Variants in CAMK2D observed in about 807,000 individuals in gnomAD.
The protein encoded by CAMK2D is calcium/calmodulin-dependent protein kinase type II subunit delta.
In CAMK2D, 37 loss-of-function variants were observed where a neutral mutation model predicts 84.0. That is an observed-to-expected ratio of 0.44 (90% CI 0.34 to 0.58). The LOEUF is 0.58. Ranked by LOEUF, CAMK2D falls within the 20% of genes least tolerant of loss-of-function variation. The pLI, the probability that CAMK2D is intolerant of heterozygous loss-of-function variation, is 0.02. For missense variants in CAMK2D, 448 were observed against 652.5 expected, an observed-to-expected ratio of 0.69 and a Z score of 3.41; for synonymous variants, 202 against 212.5, an observed-to-expected ratio of 0.95 and a Z score of 0.43.
intron 3 of CAMK2D, among the ~76,000 whole-genome samples, chr4:113,615,629 A>C (rs1031174733): frequency 4.6e-5 from 7 of 152,166 alleles, no homozygotes; most frequent in African/African-American, 1.7e-4. Context: ...TCATTTTCCC[A>C]GTATAAAATA....
chr4:113,510,892 G>T (rs928838587), intron 12 of CAMK2D, among the ~76,000 whole-genome samples: 1 of 152,036 alleles, frequency 6.6e-6, no homozygotes, highest in Non-Finnish European at 1.5e-5. Flanking sequence ...TATTAATTGA[G>T]ATTGTAAGAA....
chr4:113,632,879 A>G (rs981611470), intron 3 of CAMK2D, among the ~76,000 whole-genome samples: 2 of 152,196 alleles, frequency 1.3e-5, no homozygotes, highest in Non-Finnish European at 1.5e-5. Context: ...ACTAAAAAGC[A>G]TCATAAAATA....
At chr4:113,618,438 C>T (rs2099030780) in intron 3 of CAMK2D, among the ~76,000 whole-genome samples, 1 of 152,278 alleles carries the variant, frequency 6.6e-6, no homozygotes, top group Admixed American at 6.5e-5. Context: ...ACACTTGCAA[C>T]TGTATTTTCC....
chr4:113,647,361 G>T (rs1354318974), intron 3 of CAMK2D, among the ~76,000 whole-genome samples: 1 of 152,142 alleles, frequency 6.6e-6, no homozygotes. Context: ...TAATAGATTT[G>T]TCCTTTACTT....
intron 16 of CAMK2D, among the ~76,000 whole-genome samples, chr4:113,472,800 C>T (rs2097562071): frequency 6.6e-6 from 1 of 152,180 alleles, no homozygotes; most frequent in African/African-American, 2.4e-5. Flanking sequence ...TGTTATATAG[C>T]AACAATTTTT....
At chr4:113,678,857 T>C (rs1034056650) in intron 2 of CAMK2D, among the ~76,000 whole-genome samples, 9 of 152,124 alleles carry the variant, frequency 5.9e-5, no homozygotes, top group Non-Finnish European at 8.8e-5. Flanking sequence ...CATGAGTATA[T>C]TGCACAATGA....
In CAMK2D at chr4:113,531,206, A is replaced by T. The variant is rs370847217; in HGVS notation, c.601+10T>A. On this transcript the variant is annotated intron_variant, in intron 8 of 20. Coordinates refer to ENST00000511664, the MANE Select transcript of CAMK2D (RefSeq NM_001321571.2). ...TATCACAAAATTTGCTTCAAAATATAATTGCTTACCACATGCCCACATATC... is the reference window on the plus strand; with the variant it reads ...TATCACAAAATTTGCTTCAAAATATTATTGCTTACCACATGCCCACATATC... 6.6e-5 allele frequency: 97 copies of T among 1,466,868 alleles called. No homozygotes were observed. The highest frequency in any genetic ancestry group is 8.8e-5 in the Non-Finnish European group (92 of 1,045,948). 90.9% of individuals were successfully genotyped at this position (1,466,868 alleles called of 1,614,324 possible).
chr4:113,541,994 T>A (rs541890507), intron 6 of CAMK2D, among the ~76,000 whole-genome samples: 1 of 152,248 alleles, frequency 6.6e-6, no homozygotes, highest in Non-Finnish European at 1.5e-5. Context: ...AGCAGATGTA[T>A]GTGCTATAAG....
At chr4:113,614,245 A>G (rs995189428) in intron 3 of CAMK2D, among the ~76,000 whole-genome samples, 3 of 152,120 alleles carry the variant, frequency 2.0e-5, no homozygotes, top group African/African-American at 7.2e-5. Context: ...GGTTCAAATT[A>G]TACTGATTCT....
rs76650032 is a variant in CAMK2D at position 113,701,500 on chromosome 4, G to C, written c.161-39728C>G. 2.5e-3 allele frequency among the ~76,000 whole-genome samples: 384 copies of C among 152,210 alleles called. 1 individual carries two copies. The highest frequency in any genetic ancestry group is 8.9e-3 in the African/African-American group (368 of 41,558). On this transcript the variant is annotated intron_variant, in intron 2 of 20. Coordinates refer to ENST00000511664, the MANE Select transcript of CAMK2D (RefSeq NM_001321571.2). ...GGGAGAGAAGCTAGGCCAAAGCACT[G>C]GTCCAAGGAAAATTGGCCAACACCT...
intron 6 of CAMK2D, among the ~76,000 whole-genome samples, chr4:113,544,126 C>G (rs185546140): frequency 6.6e-6 from 1 of 152,208 alleles, no homozygotes; most frequent in East Asian, 1.9e-4. Flanking sequence ...TCTCGTTTTC[C>G]AAAGGCTGTG....
intron 2 of CAMK2D, 113 bp from the exon 3 acceptor site, chr4:113,661,885 AT>A (rs1335826776): frequency 1.7e-6 from 1 of 590,764 alleles, no homozygotes; most frequent in East Asian, 2.8e-5. Context: ...CTTTGATTTC[AT>A]TTTGAAACAA....
At chr4:113,664,350 A>T (rs909943974) in intron 2 of CAMK2D, among the ~76,000 whole-genome samples, 2 of 152,176 alleles carry the variant, frequency 1.3e-5, no homozygotes, top group Non-Finnish European at 1.5e-5. Flanking sequence ...TGGGTCAGGA[A>T]CCTGGGCATA....
chr4:113,460,314 A>G, intron 17 of CAMK2D, 73 bp from the exon 18 acceptor site: 1 of 851,168 alleles, frequency 1.2e-6, no homozygotes, highest in Admixed American at 2.1e-5. Flanking sequence ...ATGTGTAAAC[A>G]TTCTGATTTA....
At chr4:113,744,124 G>A (rs1263214765) in intron 2 of CAMK2D, among the ~76,000 whole-genome samples, 1 of 152,208 alleles carries the variant, frequency 6.6e-6, no homozygotes, top group African/African-American at 2.4e-5. Flanking sequence ...ACAGGCGTGA[G>A]CCACCACACC....
intron 4 of CAMK2D, among the ~76,000 whole-genome samples, chr4:113,608,910 A>C (rs763909626): frequency 4.6e-5 from 7 of 152,200 alleles, no homozygotes; most frequent in Non-Finnish European, 1.0e-4. Context: ...ACAACGGACA[A>C]TGCAAAGAGA....
intron 16 of CAMK2D, among the ~76,000 whole-genome samples, chr4:113,473,142 A>G (rs1217103057): frequency 2.6e-5 from 4 of 152,244 alleles, no homozygotes; most frequent in Non-Finnish European, 5.9e-5. Context: ...TGGCAAGGTG[A>G]CTGACTACTT....
chr4:113,736,581 T>C (rs1485829391), intron 2 of CAMK2D, among the ~76,000 whole-genome samples: 3 of 152,160 alleles, frequency 2.0e-5, no homozygotes, highest in Admixed American at 6.5e-5. Context: ...CTCATAAAAG[T>C]TCAATCAAGT....
chr4:113,728,894 TAA>T (rs113788356), intron 2 of CAMK2D, among the ~76,000 whole-genome samples: 9 of 152,164 alleles, frequency 5.9e-5, no homozygotes, highest in Non-Finnish European at 1.0e-4. Flanking sequence ...TCATTATTAA[TAA>T]AAGTCTTCCA....
Sources: gnomAD v4.1 joint callset for allele counts (sites outside exome capture counted in the v4.1 genomes callset) on GRCh38, gnomAD v4.1.1 for gene constraint, MANE v1.5 for transcripts, NCBI Gene and HGNC (gene_info 2026-07-23, HGNC 2026-07-21) for gene names.